CERT1: variants seen among roughly 807,000 people sequenced by gnomAD.
CERT1 encodes the protein ceramide transporter 1.
Under a neutral mutation model 87.9 loss-of-function variants are expected in CERT1, and 31 were observed. The ratio of observed to expected loss-of-function variants is 0.35; its 90% CI spans 0.27 to 0.48. CERT1 has a LOEUF of 0.48. Ranked by LOEUF, CERT1 falls within the 20% of genes least tolerant of loss-of-function variation. CERT1 has a pLI of 0.99. For missense variants in CERT1, 487 were observed against 758.0 expected (o/e 0.64, Z 4.20); for synonymous variants, 289 against 250.9 (o/e 1.15, Z -1.44).
chr5:75,381,945 T>G lies in CERT1; in HGVS notation c.1617+4A>C. 1 of 1,611,728 alleles carries G rather than the reference T, an allele frequency of 6.2e-7. No individual in the cohort carries two copies. The highest frequency in any genetic ancestry group is 8.5e-7 in the Non-Finnish European group (1 of 1,179,060). On this transcript the variant is annotated splice_donor_region_variant and intron_variant, in intron 15 of 16. Transcript: ENST00000643780. ...ATTATACACATTTATATACATGTAC[T>G]TACAGGAGCACTGTCATGATCCACA...
At chr5:75,376,252 C>G (rs183959343), downstream of CERT1, 1 of 152,222 alleles carries the variant, frequency 6.6e-6, no homozygotes, top group African/African-American at 2.4e-5. Context: ...TTACACACAA[C>G]TGCATTCAGA....
intron 7 of CERT1, among the ~76,000 whole-genome samples, chr5:75,413,078 T>A (rs568363683): frequency 5.3e-5 from 8 of 152,332 alleles, no homozygotes; most frequent in Admixed American, 3.3e-4. Flanking sequence ...TTCTATTTTT[T>A]AAAAAATTTA....
downstream of CERT1, chr5:75,374,190 C>G (rs916905061): frequency 2.7e-6 from 1 of 376,118 alleles, no homozygotes. Context: ...TTGCTTCAGT[C>G]ACTGAAGGAA....
intron 11 of CERT1, among the ~76,000 whole-genome samples, chr5:75,391,127 G>A (rs1009618797): frequency 6.6e-6 from 1 of 152,152 alleles, no homozygotes; most frequent in African/African-American, 2.4e-5. Flanking sequence ...ACCACATCCA[G>A]TTAATTTTTT....
At chr5:75,441,799 T>C (rs575364958) in intron 3 of CERT1, among the ~76,000 whole-genome samples, 7 of 152,356 alleles carry the variant, frequency 4.6e-5, no homozygotes, top group Non-Finnish European at 8.8e-5. Flanking sequence ...ATTTTGCTTA[T>C]ATATTTGTCC....
intron 2 of CERT1, among the ~76,000 whole-genome samples, chr5:75,460,506 C>T (rs567028398): frequency 1.3e-5 from 2 of 152,198 alleles, no homozygotes; most frequent in East Asian, 1.9e-4. Flanking sequence ...TGTTTTACAT[C>T]CTTGTTTTTA....
At chr5:75,442,628 T>C (rs557810839) in intron 3 of CERT1, among the ~76,000 whole-genome samples, 102 of 152,368 alleles carry the variant, frequency 6.7e-4, no homozygotes, top group African/African-American at 2.4e-3. Context: ...ACACTTCTTT[T>C]TATTTTCTAT....
intron 12 of CERT1, among the ~76,000 whole-genome samples, chr5:75,389,211 G>T (rs1265643240): frequency 6.6e-6 from 1 of 152,056 alleles, no homozygotes; most frequent in Non-Finnish European, 1.5e-5. Context: ...ACCAAAAAGG[G>T]AGAGAAACAA....
chr5:75,453,434 C>T (rs891938287), intron 3 of CERT1, among the ~76,000 whole-genome samples: 4 of 152,130 alleles, frequency 2.6e-5, no homozygotes, highest in Admixed American at 6.6e-5. Flanking sequence ...TACAAGAATA[C>T]TGTGATTCAA....
At chr5:75,486,421 C>T (rs980514523) in intron 2 of CERT1, among the ~76,000 whole-genome samples, 8 of 152,040 alleles carry the variant, frequency 5.3e-5, no homozygotes, top group Non-Finnish European at 4.4e-5. Flanking sequence ...AAAGCCTTTC[C>T]TGTAAGATCT....
chr5:75,446,494 T>G (rs756597848), intron 3 of CERT1, among the ~76,000 whole-genome samples: 1 of 152,234 alleles, frequency 6.6e-6, no homozygotes, highest in Non-Finnish European at 1.5e-5. Context: ...CCATCAAGTC[T>G]TTTTCAGGGA....
chr5:75,463,793 C>T (rs898110277), intron 2 of CERT1, among the ~76,000 whole-genome samples: 7 of 152,082 alleles, frequency 4.6e-5, no homozygotes, highest in Non-Finnish European at 1.0e-4. Context: ...TAACTAAAAT[C>T]AGGGGTCTAT....
upstream of CERT1, chr5:75,511,840 T>G: frequency 6.5e-7 from 1 of 1,548,344 alleles, no homozygotes; most frequent in Non-Finnish European, 8.7e-7. Context: ...GCAGCTGTGC[T>G]GCATTCTGGG....
At chr5:75,511,018 C>T in intron 1 of CERT1, 94 bp downstream of exon 1, 1 of 1,420,700 alleles carries the variant, frequency 7.0e-7, no homozygotes, top group Non-Finnish European at 9.2e-7. Flanking sequence ...CGGCACGTTC[C>T]GCGCCTCCCG....
rs61759490 is a variant in CERT1 at position 75,416,908 on chromosome 5, G to A, written c.805C>T (p.Arg269Cys). The A allele has an allele frequency of 8.1e-5, 130 of 1,612,290 alleles. No homozygotes were observed. In the East Asian group the frequency reaches 2.6e-3, roughly 32 times the overall value. ...LSHCIELMVK[R>C]EDSWQKRLDK... ...AGTCTCTTCTGCCAGCTGTCCTCAC[G>A]TTTAACCATTAGTTCAATACAATGA... Residue 269 changes from arginine (R) to cysteine (C), a missense_variant, in exon 7 of 17, where the codon CGT becomes TGT. Coordinates refer to ENST00000643780, the MANE Select transcript of CERT1 (RefSeq NM_001379029.1).
intron 2 of CERT1, among the ~76,000 whole-genome samples, chr5:75,500,990 TTTTG>T (rs1767337362): frequency 6.6e-6 from 1 of 151,572 alleles, no homozygotes; most frequent in African/African-American, 2.4e-5. Context: ...TGTCTGTTTT[TTTTG>T]TTTTTTTTTT....
At chr5:75,463,320 T>A (rs1479102053) in intron 2 of CERT1, among the ~76,000 whole-genome samples, 1 of 152,220 alleles carries the variant, frequency 6.6e-6, no homozygotes, top group Non-Finnish European at 1.5e-5. Flanking sequence ...TTTTTGTCCA[T>A]TAGAATTTTT....
At chr5:75,384,587 T>A (rs926110992) in intron 14 of CERT1, 55 bp downstream of exon 14, 3 of 1,228,386 alleles carry the variant, frequency 2.4e-6, no homozygotes, top group Non-Finnish European at 3.5e-6. Context: ...AGAATCTATA[T>A]GTCTGAGTTT....
At chr5:75,418,012 TG>T (rs1763215781) in intron 6 of CERT1, among the ~76,000 whole-genome samples, 1 of 152,102 alleles carries the variant, frequency 6.6e-6, no homozygotes, top group African/African-American at 2.4e-5. Context: ...CAAAATTAGC[TG>T]GGTGTGGTGG....
Sources: allele counts gnomAD v4.1 joint callset (sites outside exome capture counted in the v4.1 genomes callset), GRCh38; gene constraint gnomAD v4.1.1; transcripts MANE v1.5; gene names NCBI Gene and HGNC (gene_info 2026-07-23, HGNC 2026-07-21).